Variants in CFAP36 observed in about 807,000 individuals in gnomAD.
CFAP36 encodes cilia- and flagella-associated protein 36.
In CFAP36, 37 loss-of-function variants were observed where a neutral mutation model predicts 50.5. The ratio of observed to expected loss-of-function variants is 0.73; its 90% confidence interval spans 0.56 to 0.96. The LOEUF is 0.96. CFAP36 is among the 50% of genes least tolerant of loss of function. The probability of loss-of-function intolerance (pLI) is 0.00; values close to 1 mark genes in which losing one functional copy is unlikely to be tolerated. For synonymous variants in CFAP36, 138 were observed against 128.2 expected (o/e 1.08, Z -0.52); for missense variants, 407 against 396.2 (o/e 1.03, Z -0.23).
chr2:55,524,979 A>T (rs915403374), intron 3 of CFAP36, among the ~76,000 whole-genome samples: 3 of 141,860 alleles, frequency 2.1e-5, no homozygotes, highest in Non-Finnish European at 4.6e-5. Context: ...AAAACTGTCT[A>T]AAAAAAAAAA....
chr2:55,536,511 C>T (rs1252645171), intron 6 of CFAP36, among the ~76,000 whole-genome samples: 2 of 149,562 alleles, frequency 1.3e-5, no homozygotes, highest in Non-Finnish European at 3.0e-5. Context: ...AGTGCAGTGG[C>T]GCAATCTCGG....
At chr2:55,521,793 C>A (rs931609762) in intron 1 of CFAP36, among the ~76,000 whole-genome samples, 5 of 151,838 alleles carry the variant, frequency 3.3e-5, no homozygotes, top group African/African-American at 1.2e-4. Flanking sequence ...CCACGCCTGG[C>A]TGATTTTTGT....
In CFAP36 at chr2:55,520,001, C is replaced by G. The variant is rs1684014919; in HGVS notation, c.115+85C>G. 20 of 1,224,924 alleles carry G rather than the reference C, an allele frequency of 1.6e-5. 2 individuals carry two copies. In the South Asian group the frequency reaches 2.6e-4, roughly 16 times the overall value. The allele number at this position is 1,224,924 out of a possible 1,614,324, so 75.9% of individuals were successfully genotyped here. A position where few individuals can be genotyped will look rare whatever the true frequency, so the allele number is the denominator to read the frequency against. ...GGGGGTTGGTAACCACAAGCCATCT[C>G]TCGTCTCCCCGACCCCCTGTCTCCA... is the stretch of plus-strand genomic sequence containing the variant. On this transcript the variant is annotated intron_variant, in intron 1 of 9. Coordinates refer to ENST00000349456, the MANE Select transcript of CFAP36 (RefSeq NM_080667.7).
chr2:55,534,520 G>C (rs1296983507), intron 5 of CFAP36, among the ~76,000 whole-genome samples: 1 of 152,012 alleles, frequency 6.6e-6, no homozygotes, highest in Non-Finnish European at 1.5e-5. Context: ...CCACTAATGG[G>C]GTCCACACAG....
intron 5 of CFAP36, 135 bp downstream of exon 5, chr2:55,534,095 A>G (rs923473949): frequency 2.2e-5 from 11 of 490,444 alleles, no homozygotes; most frequent in Admixed American, 7.2e-5. Flanking sequence ...TGATCTATCA[A>G]TTTATGACTG....
intron 1 of CFAP36, chr2:55,520,364 C>G (rs1400668189): frequency 4.7e-6 from 7 of 1,492,216 alleles, no homozygotes; most frequent in Non-Finnish European, 6.3e-6. Context: ...CCGGTGTAGT[C>G]AGCTTAGGAA....
intron 1 of CFAP36, among the ~76,000 whole-genome samples, chr2:55,520,214 A>C (rs565017702): frequency 6.6e-6 from 1 of 152,246 alleles, no homozygotes; most frequent in East Asian, 1.9e-4. Flanking sequence ...CTTGAATCGT[A>C]AATTCGGTCT....
chr2:55,530,641 T>C (rs1684330542), intron 4 of CFAP36, among the ~76,000 whole-genome samples: 1 of 152,244 alleles, frequency 6.6e-6, no homozygotes, highest in Non-Finnish European at 1.5e-5. Context: ...TTTAACATCC[T>C]GACTCAAAAC....
At chr2:55,543,172 A>G (rs980021873) in intron 7 of CFAP36, among the ~76,000 whole-genome samples, 5 of 151,776 alleles carry the variant, frequency 3.3e-5, no homozygotes, top group Admixed American at 1.3e-4. Flanking sequence ...GCATCATTTT[A>G]ATGTCTTTGC....
chr2:55,524,730 CCAGTA>C (rs1684157598), intron 3 of CFAP36, among the ~76,000 whole-genome samples: 3 of 151,934 alleles, frequency 2.0e-5, no homozygotes, highest in African/African-American at 7.2e-5. Context: ...GCCTGTAATC[CCAGTA>C]CTTTGGGAGG....
At chr2:55,529,014 T>C in intron 4 of CFAP36, 22 bp downstream of exon 4, 1 of 1,533,734 alleles carries the variant, frequency 6.5e-7, no homozygotes, top group Non-Finnish European at 9.0e-7. Flanking sequence ...AAGTTAGAAA[T>C]CTAAGTACTA....
At chr2:55,521,436 A>G (rs1684058548) in intron 1 of CFAP36, among the ~76,000 whole-genome samples, 1 of 152,098 alleles carries the variant, frequency 6.6e-6, no homozygotes, top group South Asian at 2.1e-4. Flanking sequence ...ACCTATTGTA[A>G]AAGGATTTAA....
chr2:55,533,791 G>C, intron 4 of CFAP36, 82 bp from the exon 5 acceptor site: 1 of 685,488 alleles, frequency 1.5e-6, no homozygotes, highest in Admixed American at 2.6e-5. Flanking sequence ...AAGGTAACTT[G>C]TACTTAAGGA....
chr2:55,537,370 C>T, intron 6 of CFAP36, 113 bp from the exon 7 acceptor site: 1 of 730,858 alleles, frequency 1.4e-6, no homozygotes, highest in South Asian at 2.1e-5. Context: ...GACTCTGTCT[C>T]AAAAGAAAAA....
intron 7 of CFAP36, 81 bp from the exon 8 acceptor site, chr2:55,543,857 G>A (rs1684702854): frequency 1.5e-6 from 2 of 1,308,244 alleles, no homozygotes; most frequent in East Asian, 2.3e-5. Flanking sequence ...ATTAACATTA[G>A]CTCATTTCGG....
chr2:55,519,966 G>A (rs1351515641), intron 1 of CFAP36, 50 bp downstream of exon 1: 1 of 1,560,556 alleles, frequency 6.4e-7, no homozygotes, highest in African/African-American at 1.4e-5. Context: ...TCTCACACCA[G>A]CGGCGGGCAG....
At chr2:55,526,834 C>T (rs1684219676) in intron 3 of CFAP36, among the ~76,000 whole-genome samples, 1 of 152,064 alleles carries the variant, frequency 6.6e-6, no homozygotes, top group African/African-American at 2.4e-5. Context: ...CCAGCCTAGG[C>T]CACAATGCAA....
At chr2:55,523,640 T>A in intron 2 of CFAP36, 81 bp from the exon 3 acceptor site, 1 of 860,402 alleles carries the variant, frequency 1.2e-6, no homozygotes, top group Non-Finnish European at 1.8e-6. Flanking sequence ...GATGATACTT[T>A]TCTAAACTAA....
chr2:55,538,045 C>G (rs1215175477), intron 7 of CFAP36, among the ~76,000 whole-genome samples: 1 of 152,142 alleles, frequency 6.6e-6, no homozygotes. Context: ...GAAATCATAT[C>G]TTTGAAATCA....
Sources: allele counts gnomAD v4.1 joint callset (sites outside exome capture counted in the v4.1 genomes callset), GRCh38; gene constraint gnomAD v4.1.1; transcripts MANE v1.5; gene names NCBI Gene and HGNC (gene_info 2026-07-23, HGNC 2026-07-21).